Variants in CDK14 observed in about 807,000 individuals in gnomAD.
The protein encoded by CDK14 is cyclin dependent kinase 14, also known as cyclin-dependent kinase 14.
CDK14 carries 34 observed loss-of-function variants against 60.7 expected under a neutral mutation model. The observed-to-expected ratio is 0.56, with a 90% confidence interval of 0.43 to 0.75. The LOEUF (loss-of-function observed/expected upper bound fraction) is 0.75, where lower values mean the gene tolerates loss of function less well. Ranked by LOEUF, CDK14 falls within the 30% of genes least tolerant of loss-of-function variation. CDK14 has a pLI of 0.00. For synonymous variants in CDK14, 197 were observed against 203.7 expected (o/e 0.97, Z 0.28); for missense variants, 482 against 564.1 (o/e 0.85, Z 1.47).
chr7:91,156,139 C>A (rs991137987), intron 14 of CDK14, among the ~76,000 whole-genome samples: 4 of 152,186 alleles, frequency 2.6e-5, no homozygotes, highest in Non-Finnish European at 4.4e-5. Context: ...GGCCGCCAGA[C>A]CTCTCATTAA....
chr7:90,942,669 C>T (rs1295272183), intron 8 of CDK14, among the ~76,000 whole-genome samples: 1 of 152,144 alleles, frequency 6.6e-6, no homozygotes. Context: ...CTCTATGTTC[C>T]CTGAGTCAGT....
Position 90,838,518 on chromosome 7 carries a change from G to A in CDK14, c.545-24657G>A, listed in dbSNP as rs371458187. Among the ~76,000 whole-genome samples, 63 of 152,270 alleles carry A rather than the reference G, an allele frequency of 4.1e-4. 1 individual carries two copies. In the South Asian group the frequency reaches 0.012, roughly 30 times the overall value. ...AGCCATATTTTTCTTCTTGCAGGGA[G>A]CCTATAAATAGATGTGTGAGTAGGA... is the stretch of plus-strand genomic sequence containing the variant. On this transcript the variant is annotated intron_variant, in intron 5 of 14. Transcript: ENST00000380050.
chr7:91,136,615 T>G (rs810641), intron 14 of CDK14, among the ~76,000 whole-genome samples: 12,668 of 152,094 alleles, frequency 0.083, 1,041 homozygotes, highest in African/African-American at 0.21. Context: ...TAATGGATCC[T>G]GTAGGATATA....
intron 4 of CDK14, among the ~76,000 whole-genome samples, chr7:90,754,575 C>T (rs928409763): frequency 3.3e-5 from 5 of 152,050 alleles, no homozygotes; most frequent in Admixed American, 1.3e-4. Flanking sequence ...CCTTTGGAAA[C>T]GATTTATGAC....
chr7:90,700,602 C>T (rs1258179305), intron 2 of CDK14, among the ~76,000 whole-genome samples: 1 of 152,146 alleles, frequency 6.6e-6, no homozygotes, highest in Non-Finnish European at 1.5e-5. Context: ...TATCAAATTA[C>T]ATCCATATAT....
chr7:90,754,482 A>G (rs966080726), intron 4 of CDK14, among the ~76,000 whole-genome samples: 7 of 152,242 alleles, frequency 4.6e-5, no homozygotes, highest in Non-Finnish European at 7.3e-5. Flanking sequence ...AATTAACTCA[A>G]GATGGATTGA....
At chr7:91,095,983 G>A (rs1798971799) in intron 12 of CDK14, among the ~76,000 whole-genome samples, 1 of 128,408 alleles carries the variant, frequency 7.8e-6, no homozygotes, top group Non-Finnish European at 1.6e-5. Context: ...TATTATGAAT[G>A]TAATTAATGC....
In CDK14 at chr7:91,168,187, G is replaced by A. The variant is rs558441667; in HGVS notation, c.*29-38978G>A. ...TGAGGCAGGAGAATTGCTTGAACCC[G>A]GGAGGCGGAGGTCGCAGTGAGCCGA... On this transcript the variant is annotated intron_variant, in intron 14 of 14. Transcript: ENST00000380050. Among the ~76,000 whole-genome samples the A allele has an allele frequency of 6.6e-5, 10 of 151,840 alleles. No homozygotes were observed. In the South Asian group the frequency reaches 1.5e-3, roughly 22 times the overall value.
intron 11 of CDK14, among the ~76,000 whole-genome samples, chr7:91,046,710 A>G (rs890659462): frequency 1.3e-5 from 2 of 152,012 alleles, no homozygotes; most frequent in African/African-American, 4.8e-5. Context: ...TTCTTTTCTC[A>G]GTTATAAAAC....
intron 4 of CDK14, among the ~76,000 whole-genome samples, chr7:90,779,260 G>GA (rs1035976486): frequency 3.3e-5 from 5 of 151,982 alleles, no homozygotes; most frequent in Non-Finnish European, 2.9e-5. Context: ...CTCAAAAAAA[G>GA]AAAAAAATAT....
At chr7:91,002,958 G>A (rs1483717109) in intron 10 of CDK14, among the ~76,000 whole-genome samples, 2 of 152,098 alleles carry the variant, frequency 1.3e-5, no homozygotes, top group South Asian at 2.1e-4. Context: ...TGTAGTCCCA[G>A]CTGTTTGGGA....
intron 3 of CDK14, among the ~76,000 whole-genome samples, chr7:90,741,255 T>C (rs1287090804): frequency 6.6e-6 from 1 of 152,214 alleles, no homozygotes; most frequent in Non-Finnish European, 1.5e-5. Context: ...GGATTAATAG[T>C]TGAGACTCTC....
In CDK14 at chr7:91,118,163, T is replaced by C. The variant is rs1392089669; in HGVS notation, c.1393T>C (p.Ser465Pro). The change falls in exon 14 of 15, where the codon TCA becomes CCA. Residue 465 changes from serine to proline, a missense_variant. Coordinates refer to ENST00000380050, the MANE Select transcript of CDK14 (RefSeq NM_001287135.2). Reference protein sequence around the residue: ...GKNNSYGKSLSNSKH With the variant: ...GKNNSYGKSLPNSKH ...AAACAATAGTTATGGCAAAAGTCTA[T>C]CAAACAGCAAGCACTGACAAGCAGC... is the stretch of plus-strand genomic sequence containing the variant. 39 of 1,611,250 alleles carry C rather than the reference T, an allele frequency of 2.4e-5. No homozygotes were observed. The Admixed American group carries it at 6.5e-4, about 27-fold the overall frequency.
In CDK14 at chr7:90,885,030, A is replaced by G. The variant is rs556793436; in HGVS notation, c.640-14261A>G. On this transcript the variant is annotated intron_variant, in intron 6 of 14. Transcript: ENST00000380050. ...CTATCCAGTACATAGGCATGGACAA[A>G]GATGTCATGACAGAAACGCCAAAAA... Among the ~76,000 whole-genome samples the G allele has an allele frequency of 3.9e-5, 6 of 152,322 alleles. No homozygotes were observed. In the East Asian group the frequency reaches 1.2e-3, roughly 29 times the overall value.
chr7:90,795,092 CA>C (rs757448408), intron 5 of CDK14, among the ~76,000 whole-genome samples: 1 of 152,086 alleles, frequency 6.6e-6, no homozygotes, highest in Non-Finnish European at 1.5e-5. Flanking sequence ...TTTATGAGCC[CA>C]AACCCAACTA....
intron 4 of CDK14, among the ~76,000 whole-genome samples, chr7:90,781,088 C>G (rs377666488): frequency 6.6e-6 from 1 of 152,040 alleles, no homozygotes; most frequent in Non-Finnish European, 1.5e-5. Flanking sequence ...TTTTAATGAT[C>G]GCCATTCTAA....
intron 2 of CDK14, chr7:90,608,502 A>G: frequency 1.0e-6 from 1 of 955,290 alleles, no homozygotes; most frequent in Non-Finnish European, 1.2e-6. Context: ...TAACTCATGC[A>G]GTTCTGCTTT....
At position 91,181,750 on chromosome 7, in the gene CDK14, C is replaced by T. The variant is rs1484150221; in HGVS notation, c.*29-25415C>T. Among the ~76,000 whole-genome samples the T allele has an allele frequency of 3.3e-5, 5 of 152,084 alleles. No homozygotes were observed. In the South Asian group the frequency reaches 8.3e-4, roughly 25 times the overall value. ...AGTTATTTTTTTGACCAATGGGAGA[C>T]TCTTCAAGTTTTCTTCTGACCCCTT... On this transcript the variant is annotated intron_variant, in intron 14 of 14. Coordinates refer to ENST00000380050, the MANE Select transcript of CDK14 (RefSeq NM_001287135.2).
chr7:90,902,053 T>C (rs1047739258), intron 7 of CDK14, among the ~76,000 whole-genome samples: 3 of 152,064 alleles, frequency 2.0e-5, no homozygotes, highest in Non-Finnish European at 1.5e-5. Flanking sequence ...CCAAGGAAGA[T>C]GAAAGATCTG....
Sources: allele counts gnomAD v4.1 joint callset (sites outside exome capture counted in the v4.1 genomes callset), GRCh38; gene constraint gnomAD v4.1.1; transcripts MANE v1.5; gene names NCBI Gene and HGNC (gene_info 2026-07-23, HGNC 2026-07-21).